MSI2: variants seen among roughly 807,000 people sequenced by gnomAD.
The protein encoded by MSI2 is musashi RNA binding protein 2.
A neutral mutation model predicts 45.6 loss-of-function variants in MSI2; 17 were observed. The observed-to-expected ratio is 0.37, with a 90% CI of 0.26 to 0.56. The LOEUF is 0.56. Ranked by LOEUF, MSI2 falls within the 20% of genes least tolerant of loss-of-function variation. The pLI is 0.77. For synonymous variants in MSI2, 156 were observed against 158.2 expected, an observed-to-expected ratio of 0.99 and a Z score of 0.11; for missense variants, 293 against 444.2, an observed-to-expected ratio of 0.66 and a Z score of 3.06.
intron 6 of MSI2, among the ~76,000 whole-genome samples, chr17:57,439,094 G>A (rs2084747162): frequency 6.6e-6 from 1 of 152,176 alleles, no homozygotes; most frequent in Non-Finnish European, 1.5e-5. Flanking sequence ...TTGTATGTCT[G>A]TTGAGTTGAG....
chr17:57,697,517 C>G, the MSI2 span, among the ~76,000 whole-genome samples: 51 of 152,244 alleles, frequency 3.3e-4, no homozygotes, highest in Non-Finnish European at 4.6e-4. Context: ...CTCCCACCCC[C>G]TTGAAGTCGC....
intron 6 of MSI2, among the ~76,000 whole-genome samples, chr17:57,421,073 C>T (rs1471190112): frequency 3.3e-5 from 5 of 152,074 alleles, no homozygotes; most frequent in Non-Finnish European, 7.4e-5. Context: ...TATACCCCAC[C>T]CCCTTCTCCC....
chr17:57,561,947 C>G (rs777731373), intron 7 of MSI2, among the ~76,000 whole-genome samples: 20 of 152,014 alleles, frequency 1.3e-4, no homozygotes, highest in Non-Finnish European at 1.5e-4. Flanking sequence ...ATTCAAATTC[C>G]GGTTCTTTCT....
intron 8 of MSI2, chr17:57,600,966 T>G (rs1048609214): frequency 1.3e-5 from 2 of 152,276 alleles, no homozygotes; most frequent in African/African-American, 4.8e-5. Context: ...GGTCAGCAAA[T>G]GGCAGCCCCA....
chr17:57,300,796 A>G (rs567428799), intron 5 of MSI2, among the ~76,000 whole-genome samples: 113 of 152,378 alleles, frequency 7.4e-4, no homozygotes, highest in Middle Eastern at 3.4e-3. Flanking sequence ...GTTTCCCCTT[A>G]TAAAACCGTC....
intron 5 of MSI2, among the ~76,000 whole-genome samples, chr17:57,350,408 G>A (rs1479799903): frequency 2.0e-5 from 3 of 152,186 alleles, no homozygotes; most frequent in African/African-American, 4.8e-5. Context: ...GTGCAAGGAA[G>A]GGATGTGTCT....
At position 57,487,927 on chromosome 17, in the gene MSI2, G is replaced by A. The variant is rs148150854; in HGVS notation, c.406-41749G>A. On this transcript the variant is annotated intron_variant, in intron 6 of 13. Transcript: ENST00000284073. Reference sequence around the variant, plus strand: ...GGTGCCCCCTCTGTGCACACAGCCCGGTGCTTTATGGTTACTTTTTGCCTG... The same window carrying A: ...GGTGCCCCCTCTGTGCACACAGCCCAGTGCTTTATGGTTACTTTTTGCCTG... Among the ~76,000 whole-genome samples, 184 of 151,798 alleles carry A rather than the reference G, an allele frequency of 1.2e-3. 1 individual carries two copies. The highest frequency in any genetic ancestry group is 0.011 in the South Asian group (52 of 4,776).
At chr17:57,287,073 T>C (rs913364304) in intron 5 of MSI2, among the ~76,000 whole-genome samples, 4 of 152,066 alleles carry the variant, frequency 2.6e-5, no homozygotes, top group Non-Finnish European at 5.9e-5. Flanking sequence ...AAGCAGCCCC[T>C]TTTGCTCCAT....
intron 5 of MSI2, among the ~76,000 whole-genome samples, chr17:57,274,723 G>A (rs942472955): frequency 2.6e-5 from 4 of 152,234 alleles, no homozygotes; most frequent in Admixed American, 2.6e-4. Context: ...GAATTGCAGT[G>A]TAATTTGGAT....
In MSI2 at chr17:57,606,807, G is replaced by A. The variant is rs1482984956; in HGVS notation, c.538-9163G>A. 3.3e-5 allele frequency among the ~76,000 whole-genome samples: 5 copies of A among 152,040 alleles called. 1 individual carries two copies. Among genetic ancestry groups the A allele is most frequent in the African/African-American group, 1.2e-4 (5 of 41,370 alleles). On this transcript the variant is annotated intron_variant, in intron 8 of 13. Coordinates refer to ENST00000284073, the MANE Select transcript of MSI2 (RefSeq NM_138962.4). ...GTAAGGAGATCAGTTGTGGAAGCTA[G>A]CATCGGGAAAGGCTTTGTGAACTAG...
intron 1 of MSI2, 121 bp from the exon 2 acceptor site, chr17:57,256,977 C>A: frequency 6.5e-7 from 1 of 1,545,624 alleles, no homozygotes; most frequent in Non-Finnish European, 8.8e-7. Context: ...TTCTCCCCCA[C>A]CCCACCTCCC....
chr17:57,388,911 C>T (rs1489475612), intron 5 of MSI2, among the ~76,000 whole-genome samples: 1 of 152,010 alleles, frequency 6.6e-6, no homozygotes, highest in East Asian at 1.9e-4. Flanking sequence ...GCCTCTGCCT[C>T]CCAGAGTGCT....
chr17:57,675,564 C>G (rs1274287733), intron 12 of MSI2, among the ~76,000 whole-genome samples: 1 of 152,200 alleles, frequency 6.6e-6, no homozygotes, highest in Admixed American at 6.5e-5. Flanking sequence ...TGGACACTGT[C>G]ATGTGGGCTG....
chr17:57,477,379 G>A (rs2085562396), intron 6 of MSI2, among the ~76,000 whole-genome samples: 1 of 152,148 alleles, frequency 6.6e-6, no homozygotes, highest in African/African-American at 2.4e-5. Context: ...CTGGCTGCTC[G>A]AAACCCTTGA....
In MSI2 at chr17:57,682,317, TCC is replaced by T. The variant is rs397856811; in HGVS notation, c.*2811_*2812del. 151 of 119,896 alleles carry T rather than the reference TCC, an allele frequency of 1.3e-3. 1 individual carries two copies. The highest frequency in any genetic ancestry group is 4.7e-3 in the East Asian group (26 of 5,564). 7.4% of individuals were successfully genotyped at this position (119,896 alleles called of 1,614,324 possible). On this transcript the variant is annotated 3_prime_UTR_variant, in exon 14 of 14. Transcript: ENST00000284073. ...GGCGGACTCTACGGCGTTTTGTAGA[TCC>T]CCCCCCCCCCACCCACTGTGAAGGG...
chr17:57,630,837 C>T (rs1909298128), intron 10 of MSI2: 1 of 152,284 alleles, frequency 6.6e-6, no homozygotes, highest in Non-Finnish European at 1.5e-5. Flanking sequence ...TCTGGATGCC[C>T]TGACTTCCAT....
chr17:57,515,659 C>T (rs529866370), intron 6 of MSI2, among the ~76,000 whole-genome samples: 9 of 152,256 alleles, frequency 5.9e-5, no homozygotes, highest in South Asian at 2.1e-4. Flanking sequence ...GGAGAGGAAG[C>T]GATGGGGGAG....
intron 5 of MSI2, among the ~76,000 whole-genome samples, chr17:57,263,129 G>T (rs1907470357): frequency 6.6e-6 from 1 of 152,198 alleles, no homozygotes; most frequent in African/African-American, 2.4e-5. Context: ...TCTCCCAGAA[G>T]TGGAACCTTT....
At chr17:57,527,336 AT>A (rs2086724081) in intron 6 of MSI2, among the ~76,000 whole-genome samples, 2 of 149,328 alleles carry the variant, frequency 1.3e-5, no homozygotes, top group Non-Finnish European at 3.0e-5. Flanking sequence ...AGATATGCTC[AT>A]ATCACCATAT....
Sources: allele counts gnomAD v4.1 joint callset (sites outside exome capture counted in the v4.1 genomes callset), GRCh38; gene constraint gnomAD v4.1.1; transcripts MANE v1.5; gene names NCBI Gene and HGNC (gene_info 2026-07-23, HGNC 2026-07-21).